Variants in NLN observed in about 807,000 individuals in gnomAD.
The protein encoded by NLN is neurolysin, mitochondrial.
A neutral mutation model predicts 79.9 loss-of-function variants in NLN; 64 were observed. The observed-to-expected ratio is 0.80, with a 90% CI of 0.65 to 0.99. NLN has a LOEUF of 0.99. Among genes scored for constraint, NLN ranks in the 50% least tolerant of loss-of-function variants. The pLI, the probability that NLN is intolerant of heterozygous loss-of-function variation, is 0.00. For missense variants in NLN, 835 were observed against 858.7 expected (o/e 0.97, Z 0.34); for synonymous variants, 267 against 296.6 (o/e 0.90, Z 1.02).
At position 65,792,559 on chromosome 5, in the gene NLN, A is replaced by G; in HGVS notation, c.1431A>G (p.Ser477=). The G allele has an allele frequency of 1.2e-6, 2 of 1,613,896 alleles. No homozygotes were observed. The highest frequency in any genetic ancestry group is 2.2e-5 in the South Asian group (2 of 91,080). Reference sequence around the variant, plus strand: ...TGGCTGCCCTCGTGGTGAACTTCTCACAGCCAGTGGCAGGTCGTCCCTCTC... The same window carrying G: ...TGGCTGCCCTCGTGGTGAACTTCTCGCAGCCAGTGGCAGGTCGTCCCTCTC... The part of the protein sequence containing the change: ...MAVAALVVNF[S]QPVAGRPSLL... Residue 477 remains serine, a synonymous_variant, in exon 9 of 13, where the codon TCA becomes TCG. Coordinates refer to ENST00000380985, the MANE Select transcript of NLN (RefSeq NM_020726.5).
At chr5:65,791,330 G>C (rs1760053150) in intron 8 of NLN, among the ~76,000 whole-genome samples, 1 of 152,086 alleles carries the variant, frequency 6.6e-6, no homozygotes, top group East Asian at 1.9e-4. Flanking sequence ...GGCCAAGGAG[G>C]GCAGATCACC....
chr5:65,770,905 T>G (rs1759552718), intron 3 of NLN, among the ~76,000 whole-genome samples: 1 of 152,178 alleles, frequency 6.6e-6, no homozygotes, highest in African/African-American at 2.4e-5. Flanking sequence ...TATGATACTT[T>G]ATAAAGCTCG....
At chr5:65,724,996 G>A (rs567572816) in intron 1 of NLN, among the ~76,000 whole-genome samples, 23 of 151,714 alleles carry the variant, frequency 1.5e-4, no homozygotes, top group East Asian at 9.7e-4. Flanking sequence ...TAGTAGAGAC[G>A]GGGTTTCATC....
chr5:65,799,414 A>G (rs1760234880), intron 9 of NLN, among the ~76,000 whole-genome samples: 4 of 152,234 alleles, frequency 2.6e-5, no homozygotes, highest in Admixed American at 2.6e-4. Context: ...GTTGAGGTCA[A>G]GAATGATAAC....
chr5:65,808,408 G>A (rs1459815516), intron 9 of NLN, among the ~76,000 whole-genome samples: 5 of 152,194 alleles, frequency 3.3e-5, no homozygotes, highest in African/African-American at 1.2e-4. Context: ...AGGATGGAAT[G>A]TAATGCATCA....
At chr5:65,768,713 C>T (rs1490992065) in intron 3 of NLN, among the ~76,000 whole-genome samples, 1 of 152,218 alleles carries the variant, frequency 6.6e-6, no homozygotes, top group African/African-American at 2.4e-5. Context: ...GCAAATGGCC[C>T]CTTCCCTTCC....
chr5:65,778,511 T>G (rs902325691), intron 4 of NLN, among the ~76,000 whole-genome samples: 3 of 152,210 alleles, frequency 2.0e-5, no homozygotes, highest in African/African-American at 7.2e-5. Flanking sequence ...ATGTGATTGA[T>G]CTCACTTACC....
intron 1 of NLN, chr5:65,733,275 G>T: frequency 1.3e-6 from 2 of 1,517,152 alleles, no homozygotes; most frequent in Non-Finnish European, 1.8e-6. Context: ...GAAAGTTGCT[G>T]CTACTCTCGA....
At chr5:65,786,108 G>T in intron 7 of NLN, 198 bp downstream of exon 7, 1 of 433,244 alleles carries the variant, frequency 2.3e-6, no homozygotes, top group Non-Finnish European at 4.1e-6. Flanking sequence ...TATAGGCCTG[G>T]CTTCACTGTA....
rs1363965553 is a variant in NLN, at chr5:65,785,708, C to T, written c.823-67C>T. On this transcript the variant is annotated intron_variant, in intron 6 of 12. Coordinates refer to ENST00000380985, the MANE Select transcript of NLN (RefSeq NM_020726.5). ...AAACCTAAAAATACATACAGTAATT[C>T]TTCCTTTTAGTGCTTTGGATCAAAT... is the stretch of plus-strand genomic sequence containing the variant. 4 of 1,272,580 alleles carry T rather than the reference C, an allele frequency of 3.1e-6. No individual in the cohort carries two copies. The African/African-American group carries it at 5.9e-5, about 19-fold the overall frequency. The allele number at this position is 1,272,580 out of a possible 1,614,324, so 78.8% of individuals were successfully genotyped here. A position where few individuals can be genotyped will look rare whatever the true frequency, so the allele number is the denominator to read the frequency against.
intron 7 of NLN, 108 bp from the exon 8 acceptor site, chr5:65,788,010 T>C: frequency 9.5e-7 from 1 of 1,053,530 alleles, no homozygotes; most frequent in Non-Finnish European, 1.4e-6. Flanking sequence ...TATTTATCTG[T>C]ATTGAGTACT....
intron 4 of NLN, among the ~76,000 whole-genome samples, chr5:65,778,681 G>C (rs1424823860): frequency 6.6e-6 from 1 of 152,106 alleles, no homozygotes; most frequent in East Asian, 1.9e-4. Context: ...TGCATGGGTT[G>C]GTTTGATCCT....
intron 1 of NLN, among the ~76,000 whole-genome samples, chr5:65,738,968 T>TATAATATATATA: frequency 1.5e-5 from 1 of 65,432 alleles, no homozygotes; most frequent in Non-Finnish European, 2.7e-5. Flanking sequence ...TATGTATATA[T>TATAATATATATA]AAATATATAT....
intron 9 of NLN, among the ~76,000 whole-genome samples, chr5:65,794,774 G>T (rs1760137356): frequency 6.6e-6 from 1 of 152,070 alleles, no homozygotes; most frequent in African/African-American, 2.4e-5. Flanking sequence ...TCAGTCCTGT[G>T]CATCCAGCAT....
intron 1 of NLN, among the ~76,000 whole-genome samples, chr5:65,750,489 C>T (rs373583419): frequency 2.6e-5 from 4 of 152,262 alleles, no homozygotes; most frequent in East Asian, 1.9e-4. Context: ...GAGGCCAAAG[C>T]GGGTGGATTG....
At chr5:65,790,776 AATAAAAAGTATCAGGAT>A (rs1330113019) in intron 8 of NLN, among the ~76,000 whole-genome samples, 101 of 152,370 alleles carry the variant, frequency 6.6e-4, no homozygotes, top group African/African-American at 2.4e-3. Flanking sequence ...CTTATTTTTA[AATAAAAAGTATCAGGAT>A]ATAGTTTTAA....
rs770873389 is a variant in NLN, at chr5:65,825,836, G to A, written c.*2921G>A. 1.1e-4 allele frequency: 16 copies of A among 152,178 alleles called. No homozygotes were observed. Among genetic ancestry groups the A allele is most frequent in the East Asian group, 5.8e-4 (3 of 5,208 alleles). 9.4% of individuals were successfully genotyped at this position (152,178 alleles called of 1,614,324 possible). A position where few individuals can be genotyped will look rare whatever the true frequency, so the allele number is the denominator to read the frequency against. On this transcript the variant is annotated 3_prime_UTR_variant, in exon 13 of 13. Coordinates refer to ENST00000380985, the MANE Select transcript of NLN (RefSeq NM_020726.5). The stretch of plus-strand genomic sequence containing the variant: ...TTACCATTTTACCTTTAGCTTTTAT[G>A]TATGAATTATAGGTCTGTGGAGATT...
chr5:65,756,417 A>G (rs1759220351), intron 1 of NLN, among the ~76,000 whole-genome samples: 1 of 152,088 alleles, frequency 6.6e-6, no homozygotes, highest in South Asian at 2.1e-4. Flanking sequence ...CAAACTCCTG[A>G]ATATATTTTA....
intron 3 of NLN, 144 bp from the exon 4 acceptor site, chr5:65,777,283 G>T: frequency 1.6e-6 from 1 of 612,852 alleles, no homozygotes; most frequent in Non-Finnish European, 2.9e-6. Context: ...AAAGAAATTA[G>T]GTCTTCAATA....
Sources: allele counts gnomAD v4.1 joint callset (sites outside exome capture counted in the v4.1 genomes callset), GRCh38; gene constraint gnomAD v4.1.1; transcripts MANE v1.5; gene names NCBI Gene and HGNC (gene_info 2026-07-23, HGNC 2026-07-21).